Variants in PCDH17 observed in about 807,000 individuals in gnomAD.
PCDH17 encodes protocadherin-17.
In PCDH17, 21 loss-of-function variants were observed where a neutral mutation model predicts 67.7. The ratio of observed to expected loss-of-function variants is 0.31; its 90% CI spans 0.22 to 0.45. PCDH17 has a LOEUF of 0.45. Among genes scored for constraint, PCDH17 ranks in the 20% least tolerant of loss-of-function variants. The pLI is 1.00. For synonymous variants in PCDH17, 701 were observed against 656.7 expected, an observed-to-expected ratio of 1.07 and a Z score of -1.03; for missense variants, 1,471 against 1,564.8, an observed-to-expected ratio of 0.94 and a Z score of 1.01.
chr13:57,631,803 T>C lies in PCDH17; in HGVS notation c.-744T>C, dbSNP rs528284176. ...GAGAGAGAGGAAAAAAAAAATACGCTTGGCTGGTAGATGCAGTCCGCCGCC... is the reference window on the plus strand; with the variant it reads ...GAGAGAGAGGAAAAAAAAAATACGCCTGGCTGGTAGATGCAGTCCGCCGCC... On this transcript the variant is annotated 5_prime_UTR_variant, in exon 1 of 4. Transcript: ENST00000377918. 1 of 152,458 alleles carries C rather than the reference T, an allele frequency of 6.6e-6. No homozygotes were observed. Among genetic ancestry groups the C allele is most frequent in the African/African-American group, 2.4e-5 (1 of 41,522 alleles). 9.4% of individuals were successfully genotyped at this position (152,458 alleles called of 1,614,324 possible).
In PCDH17 at chr13:57,633,653, C is replaced by A. The variant is rs1347949830; in HGVS notation, c.1107C>A (p.Thr369=). 9.3e-6 allele frequency: 15 copies of A among 1,607,506 alleles called. No individual in the cohort carries two copies. In the South Asian group the frequency reaches 1.4e-4, roughly 15 times the overall value. The change falls in exon 1 of 4, where the codon ACC becomes ACA. Residue 369 remains threonine, a synonymous_variant. Coordinates refer to ENST00000377918, the MANE Select transcript of PCDH17 (RefSeq NM_001040429.3). The surrounding 1 kb of genome is among the most constrained non-coding windows in gnomAD (Gnocchi z 6.2). ...GALSEAAPPG[T]VIALVRVTDR... is the part of the protein sequence containing the mutation. ...TGAGCGAGGCCGCCCCTCCCGGCAC[C>A]GTCATCGCCCTGGTGCGGGTCACTG... is the stretch of plus-strand genomic sequence containing the variant.
In PCDH17 at chr13:57,726,397, A is replaced by G. The variant is rs867577128; in HGVS notation, c.*1103A>G. On this transcript the variant is annotated 3_prime_UTR_variant, in exon 4 of 4. Transcript: ENST00000377918. Reference sequence around the variant, plus strand: ...ATATTGTGTATTTTATTAAATTAATATATAGTTGTGTTGCAAAAATATTTG... The same window carrying G: ...ATATTGTGTATTTTATTAAATTAATGTATAGTTGTGTTGCAAAAATATTTG... 15 of 152,666 alleles carry G rather than the reference A, an allele frequency of 9.8e-5. No homozygotes were observed. The highest frequency in any genetic ancestry group is 3.6e-4 in the African/African-American group (15 of 41,472). 9.5% of individuals were successfully genotyped at this position (152,666 alleles called of 1,614,324 possible). A position where few individuals can be genotyped will look rare whatever the true frequency, so the allele number is the denominator to read the frequency against.
In PCDH17 at chr13:57,666,529, A is replaced by G. The variant is rs1955256842; in HGVS notation, c.2624+3A>G. ...AGCAGGCAGCAGTTTGTTCAAAGGT[A>G]AGGCCTATTAAATAACTTTTCTCAG... On this transcript the variant is annotated splice_donor_region_variant and intron_variant, in intron 2 of 3. Transcript: ENST00000377918. The G allele has an allele frequency of 6.4e-7, 1 of 1,557,876 alleles. No homozygotes were observed. Among genetic ancestry groups the G allele is most frequent in the South Asian group, 1.1e-5 (1 of 90,066 alleles).
chr13:57,644,213 A>G (rs1954938253), intron 1 of PCDH17, among the ~76,000 whole-genome samples: 2 of 151,616 alleles, frequency 1.3e-5, no homozygotes, highest in Non-Finnish European at 3.0e-5. Context: ...TAAGGATGGA[A>G]ATAAGAGAAC....
At chr13:57,673,873 T>C (rs1250958000) in intron 3 of PCDH17, among the ~76,000 whole-genome samples, 1 of 151,936 alleles carries the variant, frequency 6.6e-6, no homozygotes, top group Admixed American at 6.6e-5. Context: ...TTTCAAGACT[T>C]TCAAAATTCA....
At position 57,634,561 on chromosome 13, in the gene PCDH17, C is replaced by T. The variant is rs974251762; in HGVS notation, c.2015C>T (p.Thr672Ile). The T allele has an allele frequency of 5.0e-6, 8 of 1,613,256 alleles. No individual in the cohort carries two copies. The highest frequency in any genetic ancestry group is 6.8e-6 in the Non-Finnish European group (8 of 1,180,010). ...VVKVTDHGKP[T>I]LSAVAKLIIR... Reference sequence around the variant, plus strand: ...AAGGTGACCGACCACGGCAAGCCTACCCTGTCCGCAGTGGCCAAGCTCATC... The same window carrying T: ...AAGGTGACCGACCACGGCAAGCCTATCCTGTCCGCAGTGGCCAAGCTCATC... The change falls in exon 1 of 4, where the codon ACC becomes ATC. Residue 672 changes from threonine (T) to isoleucine (I), a missense_variant. Physicochemically the swap from Thr to Ile is moderately conservative, Grantham distance 89. This residue lies in a region of PCDH17 where 1,163 missense variants were observed against 1,230.0 expected (regional missense o/e 0.95). Coordinates refer to ENST00000377918, the MANE Select transcript of PCDH17 (RefSeq NM_001040429.3). This position sits in a 1 kb window ranked among gnomAD's most constrained non-coding sequence, Gnocchi z 7.8.
intron 3 of PCDH17, among the ~76,000 whole-genome samples, chr13:57,668,975 A>ACTC (rs1315994597): frequency 6.6e-6 from 1 of 151,988 alleles, no homozygotes; most frequent in Non-Finnish European, 1.5e-5. Context: ...ACATCTCCTA[A>ACTC]TGCTATCTCT....
chr13:57,693,315 CATATATATATATATATATATAT>C (rs59643529), intron 3 of PCDH17, among the ~76,000 whole-genome samples: 1 of 89,360 alleles, frequency 1.1e-5, no homozygotes, highest in Non-Finnish European at 2.2e-5. Flanking sequence ...CACTTACATT[CATATATATATATATATATATAT>C]ATATATATCA....
chr13:57,667,352 G>A (rs1175069970), intron 3 of PCDH17, among the ~76,000 whole-genome samples: 10 of 151,894 alleles, frequency 6.6e-5, no homozygotes. Context: ...TACATCTAAG[G>A]CTTCATGAAT....
intron 3 of PCDH17, among the ~76,000 whole-genome samples, chr13:57,719,857 CT>C (rs1955858617): frequency 6.6e-6 from 1 of 151,916 alleles, no homozygotes; most frequent in South Asian, 2.1e-4. Flanking sequence ...GGCACTTAGT[CT>C]TTGTTAATCT....
At chr13:57,666,390 C>T (rs536215480) in intron 1 of PCDH17, 78 bp from the exon 2 acceptor site, 2 of 1,067,934 alleles carry the variant, frequency 1.9e-6, no homozygotes, top group South Asian at 2.7e-5. Flanking sequence ...AATCATTTTT[C>T]CACTAGGAAA....
intron 3 of PCDH17, among the ~76,000 whole-genome samples, chr13:57,714,463 G>A (rs1393570878): frequency 6.6e-6 from 1 of 151,692 alleles, no homozygotes; most frequent in Non-Finnish European, 1.5e-5. Flanking sequence ...ATTCATCCAT[G>A]TCATCAAAAA....
rs1555289166 is a variant in PCDH17, at chr13:57,725,300, G to GC, written c.*6_*7insC. On this transcript the variant is annotated 3_prime_UTR_variant, in exon 4 of 4. Coordinates refer to ENST00000377918, the MANE Select transcript of PCDH17 (RefSeq NM_001040429.3). ...CTGTGGCTGTGAGAAAGTGAAAAAA[G>GC]AAAAAAAAAAAGGCATTGGCATTTT... The GC allele has an allele frequency of 2.9e-6, 4 of 1,382,078 alleles. No individual in the cohort carries two copies. Among genetic ancestry groups the GC allele is most frequent in the Non-Finnish European group, 3.9e-6 (4 of 1,023,402 alleles). 85.6% of individuals were successfully genotyped at this position (1,382,078 alleles called of 1,614,324 possible). A position where few individuals can be genotyped will look rare whatever the true frequency, so the allele number is the denominator to read the frequency against.
Position 57,634,229 on chromosome 13 carries a change from G to C in PCDH17, c.1683G>C (p.Ala561=). The change falls in exon 1 of 4, where the codon GCG becomes GCC. Residue 561 remains alanine, a synonymous_variant. Transcript: ENST00000377918. The surrounding 1 kb of genome is among the most constrained non-coding windows in gnomAD (Gnocchi z 7.8). ...KVLAKDSGAP[A]HLESNATVRV... The stretch of plus-strand genomic sequence containing the variant: ...TTGCTAAGGACTCGGGGGCGCCCGC[G>C]CACTTGGAGAGCAACGCCACGGTGA... The C allele has an allele frequency of 6.2e-7, 1 of 1,613,268 alleles. No homozygotes were observed. Among genetic ancestry groups the C allele is most frequent in the Non-Finnish European group, 8.5e-7 (1 of 1,180,032 alleles).
intron 3 of PCDH17, among the ~76,000 whole-genome samples, chr13:57,668,567 G>A (rs1231337307): frequency 1.3e-5 from 2 of 151,938 alleles, no homozygotes; most frequent in African/African-American, 2.4e-5. Flanking sequence ...TATTTATTAA[G>A]TATGAAAATG....
chr13:57,679,471 A>G (rs1390220608), intron 3 of PCDH17, among the ~76,000 whole-genome samples: 1 of 151,420 alleles, frequency 6.6e-6, no homozygotes, highest in Admixed American at 6.6e-5. Context: ...ATGGTAATGT[A>G]TAATCACAGC....
chr13:57,691,552 A>T (rs1955559501), intron 3 of PCDH17, among the ~76,000 whole-genome samples: 1 of 151,294 alleles, frequency 6.6e-6, no homozygotes, highest in African/African-American at 2.4e-5. Flanking sequence ...ATTATTTTTT[A>T]ATGTTAAAGC....
intron 3 of PCDH17, among the ~76,000 whole-genome samples, chr13:57,699,880 T>C (rs1467854714): frequency 6.6e-6 from 1 of 152,098 alleles, no homozygotes; most frequent in African/African-American, 2.4e-5. Context: ...CAATGAAATT[T>C]TTATTTGTTT....
At chr13:57,683,245 T>C (rs1017480888) in intron 3 of PCDH17, among the ~76,000 whole-genome samples, 1 of 151,856 alleles carries the variant, frequency 6.6e-6, no homozygotes, top group Admixed American at 6.6e-5. Flanking sequence ...TGACTGGGAG[T>C]TGGAAACCCT....
Sources: allele counts gnomAD v4.1 joint callset (sites outside exome capture counted in the v4.1 genomes callset), GRCh38; gene constraint gnomAD v4.1.1; regional missense constraint gnomAD v4.1.1; non-coding constraint Gnocchi (gnomAD v3.1); transcripts MANE v1.5; gene names NCBI Gene and HGNC (gene_info 2026-07-23, HGNC 2026-07-21).